The following MAP2K4 variants were observed in gnomAD, a reference collection of about 807,000 sequenced individuals.
MAP2K4 encodes dual specificity mitogen-activated protein kinase kinase 4.
Under a neutral mutation model 48.5 loss-of-function variants are expected in MAP2K4, and 4 were observed. The observed-to-expected ratio is 0.08, with a 90% CI of 0.04 to 0.19. The LOEUF (loss-of-function observed/expected upper bound fraction) is 0.19. MAP2K4 is among the 10% of genes least tolerant of loss of function. MAP2K4 has a pLI of 1.00. For synonymous variants in MAP2K4, 166 were observed against 173.1 expected (o/e 0.96, Z 0.32); for missense variants, 258 against 493.3 (o/e 0.52, Z 4.52).
At chr17:12,021,920 C>T (rs1028934581) in intron 1 of MAP2K4, among the ~76,000 whole-genome samples, 11 of 152,100 alleles carry the variant, frequency 7.2e-5, no homozygotes, top group African/African-American at 2.4e-4. Context: ...TGTGAAAATA[C>T]CAGGCCAGGC....
At chr17:12,083,377 C>T (rs985504111) in intron 3 of MAP2K4, among the ~76,000 whole-genome samples, 1 of 152,218 alleles carries the variant, frequency 6.6e-6, no homozygotes, top group Non-Finnish European at 1.5e-5. Context: ...CTACTGGCTA[C>T]TGTGACAGTT....
At chr17:12,129,835 GTTGT>G (rs1470894192) in intron 9 of MAP2K4, among the ~76,000 whole-genome samples, 6 of 152,182 alleles carry the variant, frequency 3.9e-5, no homozygotes, top group African/African-American at 7.2e-5. Flanking sequence ...CACACCTGTT[GTTGT>G]TTGTCTACCT....
chr17:12,129,091 G>A lies in MAP2K4; in HGVS notation c.892-48G>A, dbSNP rs1417566103. 3 of 1,599,252 alleles carry A rather than the reference G, an allele frequency of 1.9e-6. No individual in the cohort carries two copies. In the Admixed American group the frequency reaches 5.1e-5, roughly 27 times the overall value. ...TTTGTGGCCCTTCCAGTGGGGAGTA[G>A]TAAATGATGCCTGGTGTATTTTGCT... On this transcript the variant is annotated intron_variant, in intron 8 of 10. Coordinates refer to ENST00000353533, the MANE Select transcript of MAP2K4 (RefSeq NM_003010.4).
intron 3 of MAP2K4, among the ~76,000 whole-genome samples, chr17:12,082,293 A>C (rs1219001968): frequency 6.6e-6 from 1 of 152,194 alleles, no homozygotes; most frequent in East Asian, 1.9e-4. Flanking sequence ...ATGTTTAACA[A>C]ATCTTTGCTG....
At chr17:12,037,639 T>TAC (rs1969641620) in intron 1 of MAP2K4, among the ~76,000 whole-genome samples, 4 of 152,098 alleles carry the variant, frequency 2.6e-5, no homozygotes, top group Admixed American at 2.6e-4. Flanking sequence ...TTTATATATA[T>TAC]AGTTAATGAA....
intron 7 of MAP2K4, among the ~76,000 whole-genome samples, chr17:12,114,952 C>A (rs1349084409): frequency 6.6e-6 from 1 of 152,116 alleles, no homozygotes; most frequent in East Asian, 1.9e-4. Context: ...CTTTACTGGA[C>A]CAGATGAAAT....
At chr17:12,038,750 T>A (rs761540982) in intron 1 of MAP2K4, among the ~76,000 whole-genome samples, 1 of 152,132 alleles carries the variant, frequency 6.6e-6, no homozygotes, top group Non-Finnish European at 1.5e-5. Context: ...ATAGTTAATA[T>A]AGATGAGGAA....
chr17:12,033,148 C>T lies in MAP2K4; in HGVS notation c.115+12147C>T, dbSNP rs575042823. 4.6e-5 allele frequency among the ~76,000 whole-genome samples: 7 copies of T among 152,104 alleles called. No homozygotes were observed. The East Asian group carries it at 9.7e-4, about 21-fold the overall frequency. ...ACTGTACCCGGCCAAAAAAAAAATGCATTTAAGCTTAAATGTCATCTGTAT... is the reference window on the plus strand; with the variant it reads ...ACTGTACCCGGCCAAAAAAAAAATGTATTTAAGCTTAAATGTCATCTGTAT... On this transcript the variant is annotated intron_variant, in intron 1 of 10. Transcript: ENST00000353533.
chr17:12,082,070 A>G, intron 3 of MAP2K4: 1 of 392,986 alleles, frequency 2.5e-6, no homozygotes, highest in Non-Finnish European at 5.6e-6. Flanking sequence ...TTAAAGTTGT[A>G]CTGAAATGCA....
At chr17:12,122,643 A>G (rs1229149537) in intron 7 of MAP2K4, among the ~76,000 whole-genome samples, 1 of 152,170 alleles carries the variant, frequency 6.6e-6, no homozygotes, top group East Asian at 1.9e-4. Flanking sequence ...TTGCCTTTCT[A>G]TACTGGCTGG....
chr17:12,091,336 G>T (rs1597457995), intron 3 of MAP2K4, among the ~76,000 whole-genome samples: 1 of 152,300 alleles, frequency 6.6e-6, no homozygotes, highest in African/African-American at 2.4e-5. Flanking sequence ...ATTTCTATAT[G>T]ATTGGGACTG....
At chr17:12,037,454 A>G (rs112703136) in intron 1 of MAP2K4, among the ~76,000 whole-genome samples, 3 of 152,228 alleles carry the variant, frequency 2.0e-5, no homozygotes, top group African/African-American at 7.2e-5. Context: ...AAAACTAAGA[A>G]CTTAGAAAAT....
chr17:12,139,707 GGC>G (rs1973315575), intron 9 of MAP2K4, 130 bp from the exon 10 acceptor site: 2 of 588,546 alleles, frequency 3.4e-6, no homozygotes, highest in Non-Finnish European at 6.0e-6. Context: ...GTGTTTAGCA[GGC>G]TGTCTGCGTT....
At chr17:12,047,189 C>G (rs563326135) in intron 1 of MAP2K4, among the ~76,000 whole-genome samples, 2 of 152,060 alleles carry the variant, frequency 1.3e-5, no homozygotes, top group African/African-American at 4.8e-5. Flanking sequence ...ACAGTAGAGC[C>G]TCTGAGGCCC....
At position 12,075,432 on chromosome 17, in the gene MAP2K4, TA is replaced by T. The variant is rs962941373; in HGVS notation, c.219-5921del. On this transcript the variant is annotated intron_variant, in intron 2 of 10. Transcript: ENST00000353533. ...TGAATTTTTTAAAAATGTAAATTCA[TA>T]AACACAAGGGAAGGTAAACAACAAA... is the stretch of plus-strand genomic sequence containing the variant. 2.8e-4 allele frequency among the ~76,000 whole-genome samples: 42 copies of T among 152,256 alleles called. 1 individual carries two copies. The highest frequency in any genetic ancestry group is 9.9e-4 in the African/African-American group (41 of 41,542).
chr17:12,121,728 C>T lies in MAP2K4; in HGVS notation c.814-3566C>T, dbSNP rs574721902. 2.0e-5 allele frequency among the ~76,000 whole-genome samples: 3 copies of T among 152,180 alleles called. No homozygotes were observed. The South Asian group carries it at 6.2e-4, about 32-fold the overall frequency. ...CGCATTCTTATAATATCTGATTGTT[C>T]CCTCATGATTAGATTCAGACTACAA... is the stretch of plus-strand genomic sequence containing the variant. On this transcript the variant is annotated intron_variant, in intron 7 of 10. Transcript: ENST00000353533.
At chr17:12,031,607 C>G (rs1969439824) in intron 1 of MAP2K4, among the ~76,000 whole-genome samples, 1 of 152,274 alleles carries the variant, frequency 6.6e-6, no homozygotes, top group African/African-American at 2.4e-5. Flanking sequence ...CCAGATCCAA[C>G]TGGATTTGAA....
intron 7 of MAP2K4, among the ~76,000 whole-genome samples, chr17:12,118,830 C>T (rs1972583719): frequency 6.6e-6 from 1 of 152,210 alleles, no homozygotes; most frequent in Admixed American, 6.5e-5. Context: ...AAGACACAGT[C>T]ATGCCTGCTT....
chr17:12,117,381 A>C (rs2151580802), intron 7 of MAP2K4, among the ~76,000 whole-genome samples: 1 of 152,168 alleles, frequency 6.6e-6, no homozygotes, highest in East Asian at 1.9e-4. Context: ...CAGGTGCACC[A>C]CATCTTGTTG....
Sources: gnomAD v4.1 joint callset for allele counts (sites outside exome capture counted in the v4.1 genomes callset) on GRCh38, gnomAD v4.1.1 for gene constraint, MANE v1.5 for transcripts, NCBI Gene and HGNC (gene_info 2026-07-23, HGNC 2026-07-21) for gene names.